AGMO: variants seen among roughly 807,000 people sequenced by gnomAD.
AGMO encodes alkylglycerol monooxygenase, also known as glyceryl-ether monooxygenase.
In AGMO, 75 loss-of-function variants were observed where a neutral mutation model predicts 60.2. The observed-to-expected ratio is 1.25, with a 90% CI of 1.03 to 1.51. AGMO has a LOEUF of 1.51. AGMO is among the 40% of genes most tolerant of loss of function. The pLI, the probability that AGMO is intolerant of heterozygous loss-of-function variation, is 0.00. For missense variants in AGMO, 763 were observed against 525.5 expected, an observed-to-expected ratio of 1.45 and a Z score of -4.42; for synonymous variants, 261 against 177.1, an observed-to-expected ratio of 1.47 and a Z score of -3.76.
the AGMO span, among the ~76,000 whole-genome samples, chr7:15,170,988 T>C: frequency 1.3e-5 from 2 of 152,124 alleles, no homozygotes; most frequent in Non-Finnish European, 2.9e-5. Flanking sequence ...TTTTTGTATG[T>C]TTTTTTAGAT....
Position 15,234,581 on chromosome 7 carries a change from G to A in AGMO, c.1264-33222C>T, listed in dbSNP as rs531378427. Among the ~76,000 whole-genome samples, 6 of 152,240 alleles carry A rather than the reference G, an allele frequency of 3.9e-5. No homozygotes were observed. The South Asian group carries it at 6.2e-4, about 16-fold the overall frequency. On this transcript the variant is annotated intron_variant, in intron 12 of 12. Transcript: ENST00000342526. ...TTTTCTTATAGCATAAAATCTTAAA[G>A]TTGTTGATCTATAGCTGGGGTCAGC... is the stretch of plus-strand genomic sequence containing the variant.
At chr7:15,532,122 C>T (rs1784384536) in intron 3 of AGMO, among the ~76,000 whole-genome samples, 1 of 152,096 alleles carries the variant, frequency 6.6e-6, no homozygotes, top group South Asian at 2.1e-4. Flanking sequence ...TTCATCTATC[C>T]TAGTGTAGGT....
chr7:15,424,590 A>G (rs1451692925), intron 4 of AGMO, among the ~76,000 whole-genome samples: 1 of 152,212 alleles, frequency 6.6e-6, no homozygotes, highest in Non-Finnish European at 1.5e-5. Context: ...GCTACAGAAT[A>G]ATTAATTCCA....
At chr7:15,163,738 T>G in the AGMO span, among the ~76,000 whole-genome samples, 195 of 152,030 alleles carry the variant, frequency 1.3e-3, no homozygotes, top group African/African-American at 4.3e-3. Context: ...CTGTTAAAAA[T>G]TTTTGCATCT....
intron 12 of AGMO, among the ~76,000 whole-genome samples, chr7:15,352,766 A>AC (rs1782296803): frequency 6.6e-6 from 1 of 151,822 alleles, no homozygotes; most frequent in African/African-American, 2.4e-5. Flanking sequence ...GATTCTCCTT[A>AC]GAGCCATTAT....
chr7:15,161,801 T>C, the AGMO span, among the ~76,000 whole-genome samples: 1 of 152,024 alleles, frequency 6.6e-6, no homozygotes, highest in African/African-American at 2.4e-5. Flanking sequence ...GAGTAATACA[T>C]ATACCATTTG....
chr7:15,174,994 G>GAT, the AGMO span, among the ~76,000 whole-genome samples: 19,706 of 151,172 alleles, frequency 0.13, 1,482 homozygotes, highest in South Asian at 0.23. Context: ...AGTTTTAAAG[G>GAT]ATATATTTGC....
chr7:15,411,223 C>A (rs2128492384), intron 5 of AGMO, among the ~76,000 whole-genome samples: 1 of 152,092 alleles, frequency 6.6e-6, no homozygotes, highest in African/African-American at 2.4e-5. Context: ...TGATCTTGGA[C>A]TTTGTAGCCT....
chr7:15,511,027 G>T (rs574147529), intron 3 of AGMO, among the ~76,000 whole-genome samples: 17 of 151,816 alleles, frequency 1.1e-4, no homozygotes, highest in Admixed American at 3.9e-4. Context: ...CACTTCTAAT[G>T]TTAAACATTG....
chr7:15,420,282 T>C (rs1017075860), intron 4 of AGMO, among the ~76,000 whole-genome samples: 2 of 152,082 alleles, frequency 1.3e-5, no homozygotes, highest in Admixed American at 6.6e-5. Flanking sequence ...GCTTTTACCA[T>C]GCTAATGTGA....
chr7:15,285,083 A>C (rs1784065352), intron 12 of AGMO, among the ~76,000 whole-genome samples: 1 of 152,058 alleles, frequency 6.6e-6, no homozygotes, highest in South Asian at 2.1e-4. Flanking sequence ...ATACCTCAAA[A>C]TAATAAAAGC....
At chr7:15,349,294 G>A (rs554320061) in intron 12 of AGMO, among the ~76,000 whole-genome samples, 7 of 152,052 alleles carry the variant, frequency 4.6e-5, no homozygotes, top group African/African-American at 9.7e-5. Flanking sequence ...GCTCCCTAAC[G>A]ATCTGAGTTC....
chr7:15,187,712 T>C, the AGMO span, among the ~76,000 whole-genome samples: 1 of 152,120 alleles, frequency 6.6e-6, no homozygotes, highest in African/African-American at 2.4e-5. Flanking sequence ...TTTTCTTTAC[T>C]CTGTTACATC....
chr7:15,378,656 T>C (rs1783553175), intron 10 of AGMO, among the ~76,000 whole-genome samples: 1 of 151,796 alleles, frequency 6.6e-6, no homozygotes, highest in African/African-American at 2.4e-5. Context: ...TTAACAAAGA[T>C]ATGCAGCACC....
At chr7:15,142,882 T>A in the AGMO span, among the ~76,000 whole-genome samples, 1 of 152,198 alleles carries the variant, frequency 6.6e-6, no homozygotes, top group African/African-American at 2.4e-5. Flanking sequence ...AAACTTGCAG[T>A]TGTTATCGCA....
At chr7:15,463,994 G>T (rs1782212901) in intron 3 of AGMO, among the ~76,000 whole-genome samples, 1 of 152,062 alleles carries the variant, frequency 6.6e-6, no homozygotes, top group African/African-American at 2.4e-5. Context: ...GCATAATTTG[G>T]CATACTGAAT....
chr7:15,298,405 T>G (rs1459464735), intron 12 of AGMO, among the ~76,000 whole-genome samples: 3 of 152,090 alleles, frequency 2.0e-5, no homozygotes, highest in Non-Finnish European at 4.4e-5. Flanking sequence ...CTGTGTGTGT[T>G]TGTTTTTGAG....
chr7:15,325,210 T>C (rs761047714), intron 12 of AGMO, among the ~76,000 whole-genome samples: 1 of 152,150 alleles, frequency 6.6e-6, no homozygotes, highest in African/African-American at 2.4e-5. Context: ...TTAAATTATA[T>C]ATCCAAATTA....
At chr7:15,302,431 A>T (rs1004682957) in intron 12 of AGMO, among the ~76,000 whole-genome samples, 3 of 152,192 alleles carry the variant, frequency 2.0e-5, no homozygotes, top group Non-Finnish European at 2.9e-5. Context: ...TGGCAATAAA[A>T]GGTATACAGT....
Sources: allele counts gnomAD v4.1 joint callset (sites outside exome capture counted in the v4.1 genomes callset), GRCh38; gene constraint gnomAD v4.1.1; transcripts MANE v1.5; gene names NCBI Gene and HGNC (gene_info 2026-07-23, HGNC 2026-07-21).